Variants in ZNF385D observed in about 807,000 individuals in gnomAD.
ZNF385D encodes the protein zinc finger protein 385D, also known as zinc finger protein 659.
ZNF385D carries 15 observed loss-of-function variants against 35.8 expected under a neutral mutation model. The observed-to-expected ratio is 0.42, with a 90% CI of 0.28 to 0.64. ZNF385D has a LOEUF of 0.64. Among genes scored for constraint, ZNF385D ranks in the 30% least tolerant of loss-of-function variants. ZNF385D has a pLI of 0.23. For missense variants in ZNF385D, 474 were observed against 494.6 expected (o/e 0.96, Z 0.39); for synonymous variants, 212 against 186.8 (o/e 1.13, Z -1.10).
chr3:22,350,805 A>G (rs367573888), intron 2 of ZNF385D, among the ~76,000 whole-genome samples: 7 of 152,230 alleles, frequency 4.6e-5, no homozygotes, highest in African/African-American at 1.7e-4. Context: ...AACCATAGCT[A>G]GAATTCATCA....
At chr3:21,665,339 C>A (rs760964643) in intron 1 of ZNF385D, among the ~76,000 whole-genome samples, 11 of 152,144 alleles carry the variant, frequency 7.2e-5, no homozygotes, top group Non-Finnish European at 1.6e-4. Flanking sequence ...AAATCTGCAA[C>A]CAAGATCTCT....
intron 4 of ZNF385D, among the ~76,000 whole-genome samples, chr3:21,441,302 A>T (rs1466189206): frequency 6.6e-5 from 10 of 152,176 alleles, no homozygotes; most frequent in Non-Finnish European, 7.3e-5. Flanking sequence ...ACAAGTATTA[A>T]CTCATAAAAA....
chr3:22,060,712 A>G (rs952083717), intron 3 of ZNF385D, among the ~76,000 whole-genome samples: 1 of 152,088 alleles, frequency 6.6e-6, no homozygotes, highest in African/African-American at 2.4e-5. Context: ...AAAATTAAAG[A>G]TATATAATAT....
At chr3:21,898,488 AT>A (rs1699247365) in intron 3 of ZNF385D, among the ~76,000 whole-genome samples, 1 of 152,110 alleles carries the variant, frequency 6.6e-6, no homozygotes, top group Non-Finnish European at 1.5e-5. Flanking sequence ...ATAGTTCTGT[AT>A]TGTTTCATAT....
Position 21,539,306 on chromosome 3 carries a change from C to A in ZNF385D, c.276+25268G>T, listed in dbSNP as rs1051168765. ...TAGATCACTTTCTCATTAATTGATG[C>A]CATTTTGCCCTGGTTTTGTTTCACG... On this transcript the variant is annotated intron_variant, in intron 3 of 7. Transcript: ENST00000281523. This position sits in a 1 kb window ranked among gnomAD's most constrained non-coding sequence, Gnocchi z 4.0. Among the ~76,000 whole-genome samples, 9 of 152,004 alleles carry A rather than the reference C, an allele frequency of 5.9e-5. No individual in the cohort carries two copies. The highest frequency in any genetic ancestry group is 2.1e-4 in the South Asian group (1 of 4,822).
At chr3:21,964,903 T>A (rs1330317027) in intron 3 of ZNF385D, among the ~76,000 whole-genome samples, 2 of 152,216 alleles carry the variant, frequency 1.3e-5, no homozygotes, top group Non-Finnish European at 2.9e-5. Context: ...CTGTGAAATA[T>A]CCTCAGAAGC....
chr3:22,241,992 G>T (rs576323417), intron 2 of ZNF385D, among the ~76,000 whole-genome samples: 1 of 149,102 alleles, frequency 6.7e-6, no homozygotes, highest in Non-Finnish European at 1.5e-5. Context: ...ACCAAAGACC[G>T]CATATTCTCA....
At chr3:21,480,453 C>A (rs967187144) in intron 4 of ZNF385D, among the ~76,000 whole-genome samples, 1 of 151,972 alleles carries the variant, frequency 6.6e-6, no homozygotes, top group African/African-American at 2.4e-5. Context: ...AAAAGGAACC[C>A]CAGGAGGATG....
At chr3:22,068,585 G>A (rs1041776222) in intron 3 of ZNF385D, among the ~76,000 whole-genome samples, 3 of 152,088 alleles carry the variant, frequency 2.0e-5, no homozygotes, top group Admixed American at 2.0e-4. Flanking sequence ...CTTCCTACAG[G>A]TTCAACATGA....
At position 21,912,617 on chromosome 3, in the gene ZNF385D, G is replaced by C. The variant is rs145893571; in HGVS notation, c.326-247589C>G. On this transcript the variant is annotated intron_variant, in intron 3 of 5. Coordinates refer to the ZNF385D transcript ENST00000494108. ...GGAGACAGATACAGATTGTGCATCA[G>C]TAGGAAATACAATGCCACGTTAGGG... Among the ~76,000 whole-genome samples the C allele has an allele frequency of 2.7e-3, 410 of 152,142 alleles. 5 individuals carry two copies. The highest frequency in any genetic ancestry group is 2.2e-4 in the Non-Finnish European group (15 of 67,944).
chr3:21,733,734 A>G lies in ZNF385D; in HGVS notation c.22+17161T>C, dbSNP rs572185433. Among the ~76,000 whole-genome samples the G allele has an allele frequency of 2.6e-5, 4 of 152,172 alleles. No individual in the cohort carries two copies. In the South Asian group the frequency reaches 8.3e-4, roughly 32 times the overall value. On this transcript the variant is annotated intron_variant, in intron 1 of 7. Coordinates refer to ENST00000281523, the MANE Select transcript of ZNF385D (RefSeq NM_024697.3). ...TTATAGCTTAAATTTTTATGTTTGA[A>G]TCTTTGTTCAATCTGCAATTTATTT...
At chr3:22,064,730 G>A (rs11717259) in intron 3 of ZNF385D, among the ~76,000 whole-genome samples, 100,449 of 152,026 alleles carry the variant, frequency 0.66, 34,060 homozygotes, top group African/African-American at 0.81. Flanking sequence ...CATGGAACCT[G>A]AAAAAGTGGA....
At chr3:22,337,511 G>A (rs530568658) in intron 2 of ZNF385D, among the ~76,000 whole-genome samples, 1 of 152,180 alleles carries the variant, frequency 6.6e-6, no homozygotes, top group Admixed American at 6.5e-5. Context: ...TCCAGCCTGG[G>A]CAACAGAGTG....
At chr3:21,635,383 T>A (rs3849545) in intron 2 of ZNF385D, among the ~76,000 whole-genome samples, 109,434 of 151,416 alleles carry the variant, frequency 0.72, 39,780 homozygotes, top group Admixed American at 0.77. Context: ...TCATCATGAC[T>A]TTCCTACAAA....
chr3:22,000,583 C>T (rs1313164150), intron 3 of ZNF385D, among the ~76,000 whole-genome samples: 1 of 151,214 alleles, frequency 6.6e-6, no homozygotes, highest in Non-Finnish European at 1.5e-5. Flanking sequence ...CCTTTACTTT[C>T]TTAATAAACT....
chr3:21,670,612 G>A (rs936341354), intron 1 of ZNF385D, among the ~76,000 whole-genome samples: 1 of 107,082 alleles, frequency 9.3e-6, no homozygotes, highest in African/African-American at 3.8e-5. Context: ...AATAAATAAC[G>A]GCATAAATGC....
intron 3 of ZNF385D, among the ~76,000 whole-genome samples, chr3:22,079,773 T>C (rs1700654406): frequency 6.6e-6 from 1 of 152,014 alleles, no homozygotes; most frequent in South Asian, 2.1e-4. Context: ...GCAAATAGTA[T>C]ATCTAATGAG....
At chr3:22,077,900 A>G (rs1700546348) in intron 3 of ZNF385D, among the ~76,000 whole-genome samples, 1 of 151,990 alleles carries the variant, frequency 6.6e-6, no homozygotes, top group African/African-American at 2.4e-5. Context: ...AAAATGCTCA[A>G]TCACTCCATG....
intron 3 of ZNF385D, among the ~76,000 whole-genome samples, chr3:21,971,670 G>A (rs761658378): frequency 2.7e-5 from 4 of 150,498 alleles, no homozygotes; most frequent in Non-Finnish European, 5.9e-5. Flanking sequence ...ACATAGACTA[G>A]CTGAATGAAT....
Sources: allele counts gnomAD v4.1 joint callset (sites outside exome capture counted in the v4.1 genomes callset), GRCh38; gene constraint gnomAD v4.1.1; non-coding constraint Gnocchi (gnomAD v3.1); transcripts MANE v1.5; gene names NCBI Gene and HGNC (gene_info 2026-07-23, HGNC 2026-07-21).